Variants in FTO observed in about 807,000 individuals in gnomAD.
FTO encodes the protein FTO alpha-ketoglutarate dependent dioxygenase.
A neutral mutation model predicts 63.9 loss-of-function variants in FTO; 47 were observed. The observed-to-expected ratio is 0.74, with a 90% CI of 0.58 to 0.94. The LOEUF is 0.94. Ranked by LOEUF, FTO falls within the 40% of genes least tolerant of loss-of-function variation. The pLI, the probability that FTO is intolerant of heterozygous loss-of-function variation, is 0.00. For synonymous variants in FTO, 207 were observed against 224.4 expected, an observed-to-expected ratio of 0.92 and a Z score of 0.69; for missense variants, 562 against 618.1, an observed-to-expected ratio of 0.91 and a Z score of 0.96.
At chr16:53,735,210 A>G (rs2076364332) in intron 1 of FTO, among the ~76,000 whole-genome samples, 2 of 152,216 alleles carry the variant, frequency 1.3e-5, no homozygotes, top group Admixed American at 1.3e-4. Flanking sequence ...ACCCTTTGAG[A>G]CAAATACATT....
chr16:53,991,402 G>C (rs8056502), intron 8 of FTO: 44,074 of 152,044 alleles, frequency 0.29, 7,451 homozygotes, highest in Non-Finnish European at 0.37. Context: ...TCTCTGCCAT[G>C]ATGGCCGGGA....
chr16:53,893,021 T>C (rs2151912848), intron 7 of FTO, among the ~76,000 whole-genome samples: 1 of 152,304 alleles, frequency 6.6e-6, no homozygotes, highest in Non-Finnish European at 1.5e-5. Context: ...TATCACACTG[T>C]TTATTCTTGC....
chr16:54,052,741 G>A (rs4564558), intron 8 of FTO: 15,967 of 151,862 alleles, frequency 0.11, 1,665 homozygotes, highest in African/African-American at 0.27. Flanking sequence ...TTTGAGACAG[G>A]GTCTCGCTCT....
intron 8 of FTO, among the ~76,000 whole-genome samples, chr16:54,104,406 G>A (rs1044784615): frequency 4.0e-5 from 6 of 150,686 alleles, no homozygotes; most frequent in South Asian, 2.1e-4. Context: ...TCTGCCTCCC[G>A]GGTTCAAGTG....
chr16:53,826,939 A>G (rs2079023618), intron 3 of FTO, among the ~76,000 whole-genome samples: 1 of 152,144 alleles, frequency 6.6e-6, no homozygotes, highest in African/African-American at 2.4e-5. Context: ...ACCTGCCAAA[A>G]TATTTTATTA....
chr16:53,744,543 A>T (rs923962341), intron 1 of FTO, among the ~76,000 whole-genome samples: 1 of 152,160 alleles, frequency 6.6e-6, no homozygotes, highest in Non-Finnish European at 1.5e-5. Context: ...TTACTCTGGG[A>T]AGTCAGAGCT....
chr16:53,869,491 G>A (rs1398300941), intron 4 of FTO, among the ~76,000 whole-genome samples: 1 of 143,606 alleles, frequency 7.0e-6, no homozygotes, highest in African/African-American at 2.6e-5. Context: ...TTCGCCTTCT[G>A]TTATTCCATT....
chr16:53,731,029 T>A (rs1425625884), intron 1 of FTO, among the ~76,000 whole-genome samples: 1 of 152,218 alleles, frequency 6.6e-6, no homozygotes, highest in Non-Finnish European at 1.5e-5. Context: ...AGGCTCTTGA[T>A]GCATATTGCC....
At chr16:54,109,929 A>G (rs2086842713) in intron 8 of FTO, among the ~76,000 whole-genome samples, 1 of 152,156 alleles carries the variant, frequency 6.6e-6, no homozygotes, top group African/African-American at 2.4e-5. Context: ...ATCCACTGTG[A>G]GATTGAAATG....
chr16:53,931,152 A>G (rs1260119647), intron 7 of FTO, among the ~76,000 whole-genome samples: 1 of 152,182 alleles, frequency 6.6e-6, no homozygotes, highest in Non-Finnish European at 1.5e-5. Flanking sequence ...ACTTTAAAAA[A>G]TAAACATTTT....
intron 4 of FTO, among the ~76,000 whole-genome samples, chr16:53,863,827 G>A (rs560849230): frequency 6.6e-6 from 1 of 152,302 alleles, no homozygotes; most frequent in African/African-American, 2.4e-5. Context: ...TATCAGGCTC[G>A]CTGCTCTTTT....
intron 1 of FTO, among the ~76,000 whole-genome samples, chr16:53,776,981 C>T (rs1389541139): frequency 6.6e-6 from 1 of 152,062 alleles, no homozygotes; most frequent in Admixed American, 6.6e-5. Context: ...ATGGGGCATG[C>T]TGTGATGTTC....
chr16:53,941,226 G>A (rs2143382352), intron 8 of FTO, among the ~76,000 whole-genome samples: 1 of 152,312 alleles, frequency 6.6e-6, no homozygotes, highest in African/African-American at 2.4e-5. Flanking sequence ...AAGTAACTGT[G>A]CTAGACACTG....
At chr16:53,992,763 C>G (rs1410747227) in intron 8 of FTO, 3 of 152,242 alleles carry the variant, frequency 2.0e-5, no homozygotes, top group South Asian at 2.1e-4. Context: ...TCTGGCTACT[C>G]TCCCACTTGT....
rs150839892 is a variant in FTO at position 53,874,310 on chromosome 16, A to C, written c.975+445A>C. Among the ~76,000 whole-genome samples, 59 of 152,296 alleles carry C rather than the reference A, an allele frequency of 3.9e-4. No homozygotes were observed. In the East Asian group the frequency reaches 0.01, roughly 26 times the overall value. On this transcript the variant is annotated intron_variant, in intron 5 of 8. Coordinates refer to ENST00000471389, the MANE Select transcript of FTO (RefSeq NM_001080432.3). ...TTCTGGGCATGTGAATGTAAAGAGAAAGTTACAGGGTTGCCAAGGAGTTTC... is the reference window on the plus strand; with the variant it reads ...TTCTGGGCATGTGAATGTAAAGAGACAGTTACAGGGTTGCCAAGGAGTTTC...
At chr16:53,901,039 AAAT>A (rs1304052435) in intron 7 of FTO, among the ~76,000 whole-genome samples, 3 of 152,226 alleles carry the variant, frequency 2.0e-5, no homozygotes, top group Non-Finnish European at 4.4e-5. Flanking sequence ...GTGCAACTAA[AAAT>A]AAAATGAAAA....
intron 1 of FTO, among the ~76,000 whole-genome samples, chr16:53,776,258 T>C (rs1254636833): frequency 6.6e-6 from 1 of 152,152 alleles, no homozygotes; most frequent in African/African-American, 2.4e-5. Flanking sequence ...GAAGTGTGTG[T>C]TGTGAAATAG....
intron 1 of FTO, among the ~76,000 whole-genome samples, chr16:53,720,645 T>G (rs1018428680): frequency 2.3e-4 from 34 of 147,400 alleles, no homozygotes; most frequent in Non-Finnish European, 3.9e-4. Flanking sequence ...ATATATAAAA[T>G]ATATATATAT....
intron 1 of FTO, among the ~76,000 whole-genome samples, chr16:53,758,254 A>T (rs2076968353): frequency 6.6e-6 from 1 of 152,194 alleles, no homozygotes. Flanking sequence ...AAATATTCTG[A>T]CTTTTCAAAA....
Sources: allele counts gnomAD v4.1 joint callset (sites outside exome capture counted in the v4.1 genomes callset), GRCh38; gene constraint gnomAD v4.1.1; transcripts MANE v1.5; gene names NCBI Gene and HGNC (gene_info 2026-07-23, HGNC 2026-07-21).